DUSP16: variants seen among roughly 807,000 people sequenced by gnomAD.
DUSP16 encodes the protein dual specificity protein phosphatase 16.
DUSP16 carries 21 observed loss-of-function variants against 58.3 expected under a neutral mutation model. The ratio of observed to expected loss-of-function variants is 0.36; its 90% CI spans 0.26 to 0.52. The LOEUF (loss-of-function observed/expected upper bound fraction) is 0.52, where lower values mean the gene tolerates loss of function less well. Ranked by LOEUF, DUSP16 falls within the 20% of genes least tolerant of loss-of-function variation. The pLI is 0.94. For missense variants in DUSP16, 726 were observed against 819.0 expected, an observed-to-expected ratio of 0.89 and a Z score of 1.39; for synonymous variants, 320 against 323.8, an observed-to-expected ratio of 0.99 and a Z score of 0.12.
At chr12:12,483,558 A>G (rs904725790) in intron 5 of DUSP16, among the ~76,000 whole-genome samples, 11 of 152,172 alleles carry the variant, frequency 7.2e-5, no homozygotes, top group Non-Finnish European at 1.0e-4. Flanking sequence ...GCAGGACTCA[A>G]ATACAGACAG....
intron 3 of DUSP16, among the ~76,000 whole-genome samples, chr12:12,517,397 G>A (rs940372021): frequency 5.9e-5 from 9 of 152,042 alleles, no homozygotes; most frequent in African/African-American, 2.2e-4. Context: ...GAGAAACTAG[G>A]GTGCTTTTCA....
chr12:12,487,557 T>TG (rs1943703217), intron 4 of DUSP16, among the ~76,000 whole-genome samples: 1 of 152,222 alleles, frequency 6.6e-6, no homozygotes, highest in Non-Finnish European at 1.5e-5. Flanking sequence ...CGGAACACGC[T>TG]GGTTCTCTAA....
At chr12:12,529,232 C>T (rs1448746910) in intron 1 of DUSP16, among the ~76,000 whole-genome samples, 1 of 152,208 alleles carries the variant, frequency 6.6e-6, no homozygotes, top group Non-Finnish European at 1.5e-5. Flanking sequence ...CCACTTCAGT[C>T]TCCCAAGTAA....
chr12:12,525,814 C>G (rs1219234022), intron 1 of DUSP16, among the ~76,000 whole-genome samples: 1 of 151,752 alleles, frequency 6.6e-6, no homozygotes, highest in Non-Finnish European at 1.5e-5. Flanking sequence ...TGACAAGTAA[C>G]TCATAATAGT....
chr12:12,519,840 T>TTAATTCCA (rs1566018807), intron 3 of DUSP16, 22 bp downstream of exon 3: 1 of 1,613,736 alleles, frequency 6.2e-7, no homozygotes, highest in Admixed American at 1.7e-5. Flanking sequence ...CTGAGTCCTT[T>TTAATTCCA]TAATTCCATC....
At chr12:12,497,305 G>GA (rs1323675179) in intron 4 of DUSP16, among the ~76,000 whole-genome samples, 1 of 152,162 alleles carries the variant, frequency 6.6e-6, no homozygotes, top group Non-Finnish European at 1.5e-5. Flanking sequence ...TGATGTTGCA[G>GA]AAAAAACAGG....
At chr12:12,490,725 A>G (rs748542356) in intron 4 of DUSP16, among the ~76,000 whole-genome samples, 1 of 152,196 alleles carries the variant, frequency 6.6e-6, no homozygotes, top group Admixed American at 6.5e-5. Flanking sequence ...GGAACTTGTA[A>G]AACACTATCA....
chr12:12,535,622 A>C (rs146843334), intron 1 of DUSP16, among the ~76,000 whole-genome samples: 142 of 152,340 alleles, frequency 9.3e-4, no homozygotes, highest in Middle Eastern at 6.8e-3. Flanking sequence ...TTTCTAACCC[A>C]ATGCAGGGAA....
At chr12:12,503,105 T>C (rs1363806546) in intron 3 of DUSP16, among the ~76,000 whole-genome samples, 1 of 152,054 alleles carries the variant, frequency 6.6e-6, no homozygotes, top group Non-Finnish European at 1.5e-5. Flanking sequence ...TCCTCATCTA[T>C]AAAATGAGGA....
intron 1 of DUSP16, among the ~76,000 whole-genome samples, chr12:12,524,786 T>C (rs1206281603): frequency 1.3e-5 from 2 of 151,704 alleles, no homozygotes; most frequent in African/African-American, 4.8e-5. Flanking sequence ...GATTTTTAAA[T>C]AGGTAATATA....
intron 1 of DUSP16, among the ~76,000 whole-genome samples, chr12:12,551,280 T>A (rs549264778): frequency 6.6e-6 from 1 of 151,846 alleles, no homozygotes; most frequent in African/African-American, 2.4e-5. Context: ...GGCAGGCAGA[T>A]CACTTGAGGC....
At chr12:12,528,103 GT>G (rs1157859506) in intron 1 of DUSP16, among the ~76,000 whole-genome samples, 1 of 152,148 alleles carries the variant, frequency 6.6e-6, no homozygotes, top group African/African-American at 2.4e-5. Context: ...ACTGCTTCCT[GT>G]TTATGATCAC....
At chr12:12,497,037 C>G (rs1034175840) in intron 4 of DUSP16, among the ~76,000 whole-genome samples, 1 of 152,110 alleles carries the variant, frequency 6.6e-6, no homozygotes, top group Non-Finnish European at 1.5e-5. Context: ...TGTGACTACT[C>G]CAAATTGAGA....
intron 3 of DUSP16, among the ~76,000 whole-genome samples, chr12:12,507,828 C>T (rs541093042): frequency 1.3e-5 from 2 of 152,342 alleles, no homozygotes; most frequent in East Asian, 1.9e-4. Flanking sequence ...AGGCTGGTCT[C>T]GAACTCCCAA....
intron 1 of DUSP16, among the ~76,000 whole-genome samples, chr12:12,542,229 C>T (rs559809880): frequency 1.9e-4 from 29 of 151,946 alleles, no homozygotes; most frequent in African/African-American, 6.3e-4. Flanking sequence ...CAAAATTACC[C>T]GGGCGTGGTG....
chr12:12,480,403 T>C, intron 5 of DUSP16, 57 bp from the exon 6 acceptor site: 1 of 1,583,010 alleles, frequency 6.3e-7, no homozygotes, highest in Non-Finnish European at 8.6e-7. Context: ...AGCAGTGAAA[T>C]CTTGTTTCCA....
rs1342592874 is a variant in DUSP16, at chr12:12,474,921, C to T, written c.*1912G>A. 1 of 152,166 alleles carries T rather than the reference C, an allele frequency of 6.6e-6. No individual in the cohort carries two copies. Among genetic ancestry groups the T allele is most frequent in the African/African-American group, 2.4e-5 (1 of 41,424 alleles). The allele number at this position is 152,166 out of a possible 1,614,324, so 9.4% of individuals were successfully genotyped here. Reference sequence around the variant, plus strand: ...TGTATATCTAAAAACTAACTCAAATCGTTGACCAGCACTTTCCCAGTATCA... The same window carrying T: ...TGTATATCTAAAAACTAACTCAAATTGTTGACCAGCACTTTCCCAGTATCA... On this transcript the variant is annotated 3_prime_UTR_variant, in exon 7 of 7. Coordinates refer to ENST00000298573, the MANE Select transcript of DUSP16 (RefSeq NM_030640.3).
chr12:12,497,899 G>T (rs1053253515), intron 4 of DUSP16, among the ~76,000 whole-genome samples: 4 of 152,058 alleles, frequency 2.6e-5, no homozygotes, highest in African/African-American at 7.2e-5. Context: ...GAACACGGGA[G>T]GGGGAGGTTG....
At chr12:12,540,133 AAAAAAAAAAAACT>A (rs1944529469) in intron 1 of DUSP16, among the ~76,000 whole-genome samples, 1 of 151,228 alleles carries the variant, frequency 6.6e-6, no homozygotes, top group Non-Finnish European at 1.5e-5. Context: ...TCTACTTTAA[AAAAAAAAAAAACT>A]AAAAAAAAAC....
Sources: allele counts gnomAD v4.1 joint callset (sites outside exome capture counted in the v4.1 genomes callset), GRCh38; gene constraint gnomAD v4.1.1; transcripts MANE v1.5; gene names NCBI Gene and HGNC (gene_info 2026-07-23, HGNC 2026-07-21).